The following IGF1R variants were observed in gnomAD, a reference collection of about 807,000 sequenced individuals.
IGF1R encodes the protein insulin-like growth factor 1 receptor.
A neutral mutation model predicts 144.6 loss-of-function variants in IGF1R; 44 were observed. The ratio of observed to expected loss-of-function variants is 0.30; its 90% confidence interval spans 0.24 to 0.39. IGF1R has a LOEUF of 0.39. Ranked by LOEUF, IGF1R falls within the 10% of genes least tolerant of loss-of-function variation. IGF1R has a pLI of 1.00. For missense variants in IGF1R, 1,355 were observed against 1,833.7 expected (o/e 0.74, Z 4.77); for synonymous variants, 795 against 722.8 (o/e 1.10, Z -1.60).
intron 1 of IGF1R, among the ~76,000 whole-genome samples, chr15:98,681,718 A>T (rs1022652109): frequency 6.6e-6 from 1 of 152,132 alleles, no homozygotes; most frequent in Non-Finnish European, 1.5e-5. Flanking sequence ...TACCCTGTGT[A>T]TTAGTTAGTA....
At chr15:98,871,485 C>T (rs1019211743) in intron 2 of IGF1R, among the ~76,000 whole-genome samples, 4 of 152,186 alleles carry the variant, frequency 2.6e-5, no homozygotes, top group African/African-American at 7.2e-5. Context: ...CCCTTTGCTA[C>T]GTCCAGAGAG....
chr15:98,690,564 C>G (rs58553392), intron 1 of IGF1R, among the ~76,000 whole-genome samples: 29,914 of 152,230 alleles, frequency 0.2, 3,110 homozygotes, highest in Non-Finnish European at 0.22. Flanking sequence ...AATTTTGGCT[C>G]TCTTCCTATA....
chr15:98,959,854 TAAA>T lies in IGF1R; in HGVS notation c.*2424_*2426del, dbSNP rs398028512. ...TCTCTATCCCATAGCGTGTTCCCTT[TAAA>T]AAAAAAAAAAAGGTATTATATGTAG... On this transcript the variant is annotated 3_prime_UTR_variant, in exon 21 of 21. Coordinates refer to ENST00000650285, the MANE Select transcript of IGF1R (RefSeq NM_000875.5). 6.9e-5 allele frequency: 15 copies of T among 217,660 alleles called. No individual in the cohort carries two copies. Among genetic ancestry groups the T allele is most frequent in the Admixed American group, 1.2e-4 (2 of 17,058 alleles). 13.5% of individuals were successfully genotyped at this position (217,660 alleles called of 1,614,324 possible). A position where few individuals can be genotyped will look rare whatever the true frequency, so the allele number is the denominator to read the frequency against.
intron 2 of IGF1R, among the ~76,000 whole-genome samples, chr15:98,793,437 G>T (rs1315931289): frequency 6.6e-6 from 1 of 152,206 alleles, no homozygotes; most frequent in Non-Finnish European, 1.5e-5. Context: ...TATCACTGTA[G>T]TATAGGGCTT....
chr15:98,879,530 C>G (rs375000591), intron 2 of IGF1R, among the ~76,000 whole-genome samples: 2 of 152,150 alleles, frequency 1.3e-5, no homozygotes, highest in East Asian at 3.9e-4. Context: ...GGTGAACATT[C>G]CCTGACAGAT....
At chr15:98,780,463 C>T (rs1028908596) in intron 2 of IGF1R, among the ~76,000 whole-genome samples, 2 of 144,538 alleles carry the variant, frequency 1.4e-5, no homozygotes, top group Non-Finnish European at 1.5e-5. Context: ...GCAGGAGAAT[C>T]GCTTGAACCC....
At chr15:98,887,016 G>A (rs573822081) in intron 2 of IGF1R, among the ~76,000 whole-genome samples, 4 of 152,262 alleles carry the variant, frequency 2.6e-5, no homozygotes, top group South Asian at 2.1e-4. Context: ...TGCTGCCCCC[G>A]CATAGAGCAT....
At chr15:98,759,737 GCA>G (rs1567114670) in intron 2 of IGF1R, among the ~76,000 whole-genome samples, 1 of 152,190 alleles carries the variant, frequency 6.6e-6, no homozygotes, top group Admixed American at 6.5e-5. Context: ...AGTTCATGGG[GCA>G]CATAGTTGGC....
chr15:98,678,496 TAAA>T (rs5814889), intron 1 of IGF1R, among the ~76,000 whole-genome samples: 28 of 146,128 alleles, frequency 1.9e-4, no homozygotes, highest in African/African-American at 2.8e-4. Context: ...GGCTGACACT[TAAA>T]AAAAAAAAAA....
rs1163612333 is a variant in IGF1R at position 98,704,402 on chromosome 15, G to T, written c.95-3160G>T. Among the ~76,000 whole-genome samples, 2 of 152,076 alleles carry T rather than the reference G, an allele frequency of 1.3e-5. No homozygotes were observed. The highest frequency in any genetic ancestry group is 1.3e-4 in the Admixed American group (2 of 15,274). ...GGAGCAGAAGCACTGTGGGCGGCAG[G>T]GTATCACAGAGGAGGAGCTCGGTGT... On this transcript the variant is annotated intron_variant, in intron 1 of 20. Coordinates refer to ENST00000650285, the MANE Select transcript of IGF1R (RefSeq NM_000875.5). This position sits in a 1 kb window ranked among gnomAD's most constrained non-coding sequence, Gnocchi z 4.9.
Position 98,959,399 on chromosome 15 carries a change from C to G in IGF1R, c.*1957C>G, listed in dbSNP as rs1476498893. 8.6e-6 allele frequency: 2 copies of G among 233,764 alleles called. No homozygotes were observed. The highest frequency in any genetic ancestry group is 1.7e-5 in the Non-Finnish European group (2 of 118,168). 14.5% of individuals were successfully genotyped at this position (233,764 alleles called of 1,614,324 possible). ...CCCCTCACCGGACCGACTGACCTGT[C>G]TTTGGAACCAGAACATCCCAAGGGA... is the stretch of plus-strand genomic sequence containing the variant. On this transcript the variant is annotated 3_prime_UTR_variant, in exon 21 of 21. Coordinates refer to ENST00000650285, the MANE Select transcript of IGF1R (RefSeq NM_000875.5).
At chr15:98,784,725 TTACAA>T (rs1567127799) in intron 2 of IGF1R, among the ~76,000 whole-genome samples, 2 of 151,970 alleles carry the variant, frequency 1.3e-5, no homozygotes, top group Admixed American at 6.6e-5. Context: ...TAAAAAAAAA[TTACAA>T]TACAACAATA....
At chr15:98,810,366 A>G (rs550409867) in intron 2 of IGF1R, among the ~76,000 whole-genome samples, 1 of 152,322 alleles carries the variant, frequency 6.6e-6, no homozygotes, top group South Asian at 2.1e-4. Context: ...CCCCCAAATT[A>G]AAACCCTGCT....
chr15:98,910,772 A>T (rs376147229), intron 6 of IGF1R, among the ~76,000 whole-genome samples: 37 of 152,356 alleles, frequency 2.4e-4, no homozygotes, highest in Non-Finnish European at 3.1e-4. Context: ...GAGGCCTCAC[A>T]GGAGTTCCTG....
intron 17 of IGF1R, among the ~76,000 whole-genome samples, chr15:98,936,149 G>A (rs2076464155): frequency 6.6e-6 from 1 of 152,164 alleles, no homozygotes; most frequent in Admixed American, 6.5e-5. Context: ...GGTTTCCTCA[G>A]ACTCTACGTC....
At chr15:98,663,425 T>C (rs904631993) in intron 1 of IGF1R, among the ~76,000 whole-genome samples, 2 of 152,216 alleles carry the variant, frequency 1.3e-5, no homozygotes, top group Non-Finnish European at 2.9e-5. Context: ...TGTTCAACTT[T>C]TTTAAAGAAT....
rs543449789 is a variant in IGF1R, at chr15:98,693,817, G to T, written c.95-13745G>T. Among the ~76,000 whole-genome samples the T allele has an allele frequency of 3.3e-5, 5 of 152,252 alleles. No individual in the cohort carries two copies. In the East Asian group the frequency reaches 9.7e-4, roughly 29 times the overall value. On this transcript the variant is annotated intron_variant, in intron 1 of 20. Transcript: ENST00000650285. Reference sequence around the variant, plus strand: ...GATGGGGTTTTACCATGTTGGTCAGGCTGGTCTCGAACTCCTGGCCTCAAG... The same window carrying T: ...GATGGGGTTTTACCATGTTGGTCAGTCTGGTCTCGAACTCCTGGCCTCAAG...
rs772179831 is a variant in IGF1R, at chr15:98,963,664, G to T, written c.*6222G>T. The T allele has an allele frequency of 4.3e-6, 1 of 233,184 alleles. No homozygotes were observed. Among genetic ancestry groups the T allele is most frequent in the Non-Finnish European group, 8.5e-6 (1 of 118,054 alleles). The allele number at this position is 233,184 out of a possible 1,614,324, so 14.4% of individuals were successfully genotyped here. A position where few individuals can be genotyped will look rare whatever the true frequency, so the allele number is the denominator to read the frequency against. On this transcript the variant is annotated 3_prime_UTR_variant, in exon 21 of 21. Coordinates refer to ENST00000650285, the MANE Select transcript of IGF1R (RefSeq NM_000875.5). ...CATACACAGTGATCACATAAACGATGACAGCTATGGGGCACACAGGCCATT... is the reference window on the plus strand; with the variant it reads ...CATACACAGTGATCACATAAACGATTACAGCTATGGGGCACACAGGCCATT...
At position 98,896,922 on chromosome 15, in the gene IGF1R, C is replaced by T. The variant is rs2014228340; in HGVS notation, c.1102+17C>T. ...GACGGGGGAGTAAGTATTCCATCCC[C>T]CTGGAAAAACGGCTAGATCTCATGG... is the stretch of plus-strand genomic sequence containing the variant. On this transcript the variant is annotated intron_variant, in intron 4 of 20. Coordinates refer to ENST00000650285, the MANE Select transcript of IGF1R (RefSeq NM_000875.5). The T allele has an allele frequency of 6.2e-7, 1 of 1,613,234 alleles. No homozygotes were observed. Among genetic ancestry groups the T allele is most frequent in the Admixed American group, 1.7e-5 (1 of 59,990 alleles).
Sources: gnomAD v4.1 joint callset for allele counts (sites outside exome capture counted in the v4.1 genomes callset) on GRCh38, gnomAD v4.1.1 for gene constraint, Gnocchi (gnomAD v3.1) non-coding constraint, MANE v1.5 for transcripts, NCBI Gene and HGNC (gene_info 2026-07-23, HGNC 2026-07-21) for gene names.